Variants in ANKMY2 observed in about 807,000 individuals in gnomAD.
The protein encoded by ANKMY2 is ankyrin repeat and MYND domain containing 2.
A neutral mutation model predicts 50.4 loss-of-function variants in ANKMY2; 36 were observed. The ratio of observed to expected loss-of-function variants is 0.71; its 90% CI spans 0.55 to 0.94. ANKMY2 has a LOEUF of 0.94. Ranked by LOEUF, ANKMY2 falls within the 40% of genes least tolerant of loss-of-function variation. ANKMY2 has a pLI of 0.00. For missense variants in ANKMY2, 565 were observed against 524.0 expected, an observed-to-expected ratio of 1.08 and a Z score of -0.76; for synonymous variants, 187 against 178.8, an observed-to-expected ratio of 1.05 and a Z score of -0.36.
intron 1 of ANKMY2, among the ~76,000 whole-genome samples, chr7:16,642,805 T>C (rs1006995032): frequency 7.2e-5 from 11 of 152,212 alleles, no homozygotes; most frequent in African/African-American, 2.7e-4. Flanking sequence ...CATTTAAAAC[T>C]GAGTTAACTT....
chr7:16,645,443 C>T, intron 1 of ANKMY2, 64 bp downstream of exon 1: 2 of 1,512,450 alleles, frequency 1.3e-6, no homozygotes, highest in Middle Eastern at 2.1e-4. Flanking sequence ...AGGAGCGCCC[C>T]CCGGGCTCCG....
chr7:16,605,674 CTTTTTTTTTTTTTT>C (rs11307797), intron 7 of ANKMY2, among the ~76,000 whole-genome samples: 1,263 of 59,620 alleles, frequency 0.021, 13 homozygotes, highest in South Asian at 0.031. Flanking sequence ...ATTTTTTGTA[CTTTTTTTTTTTTTT>C]TTTTTTTTTT....
chr7:16,643,062 A>T (rs1781766394), intron 1 of ANKMY2, among the ~76,000 whole-genome samples: 1 of 152,222 alleles, frequency 6.6e-6, no homozygotes, highest in Non-Finnish European at 1.5e-5. Context: ...CACAAACACA[A>T]GCAGTATTTC....
intron 7 of ANKMY2, among the ~76,000 whole-genome samples, chr7:16,605,674 CTTTTTTTTTTTTT>C (rs11307797): frequency 3.4e-5 from 2 of 59,608 alleles, no homozygotes; most frequent in African/African-American, 6.9e-5. Context: ...ATTTTTTGTA[CTTTTTTTTTTTTT>C]TTTTTTTTTT....
At chr7:16,607,559 C>T (rs548751620) in intron 7 of ANKMY2, among the ~76,000 whole-genome samples, 1 of 152,026 alleles carries the variant, frequency 6.6e-6, no homozygotes, top group African/African-American at 2.4e-5. Flanking sequence ...CAAAACAAGA[C>T]CCCCCTCAAT....
At chr7:16,624,456 A>G (rs1781482744) in intron 4 of ANKMY2, among the ~76,000 whole-genome samples, 1 of 152,252 alleles carries the variant, frequency 6.6e-6, no homozygotes. Context: ...ATTATTATCA[A>G]GTACTCTTTC....
chr7:16,615,664 T>C, intron 5 of ANKMY2, 80 bp downstream of exon 5: 2 of 1,568,406 alleles, frequency 1.3e-6, no homozygotes, highest in Non-Finnish European at 1.7e-6. Context: ...CCAAGACAAT[T>C]ATGATCCTGT....
At chr7:16,612,799 T>C (rs1781276439) in intron 5 of ANKMY2, among the ~76,000 whole-genome samples, 1 of 152,246 alleles carries the variant, frequency 6.6e-6, no homozygotes, top group Admixed American at 6.5e-5. Flanking sequence ...TGTACTTGTT[T>C]CCTTCCTTAA....
intron 2 of ANKMY2, among the ~76,000 whole-genome samples, chr7:16,636,032 G>T (rs183240662): frequency 2.0e-5 from 3 of 152,026 alleles, no homozygotes; most frequent in African/African-American, 7.2e-5. Flanking sequence ...AAGGCTGAGC[G>T]TGGTGGCTCA....
chr7:16,645,250 T>TCCGTG (rs1781817448), intron 1 of ANKMY2, among the ~76,000 whole-genome samples: 3 of 152,146 alleles, frequency 2.0e-5, no homozygotes. Context: ...GGCGTGGAAA[T>TCCGTG]CCGTACGTTT....
At chr7:16,637,884 C>T (rs1781688957) in intron 1 of ANKMY2, among the ~76,000 whole-genome samples, 1 of 152,194 alleles carries the variant, frequency 6.6e-6, no homozygotes, top group Non-Finnish European at 1.5e-5. Context: ...TGATTGTAAG[C>T]ATGTCAAAAC....
intron 2 of ANKMY2, among the ~76,000 whole-genome samples, chr7:16,629,847 A>G (rs1443277367): frequency 6.6e-6 from 1 of 152,202 alleles, no homozygotes; most frequent in Non-Finnish European, 1.5e-5. Flanking sequence ...TGGTTCTAGT[A>G]CCATGTGATT....
intron 5 of ANKMY2, among the ~76,000 whole-genome samples, chr7:16,614,194 T>A (rs2128342968): frequency 6.6e-6 from 1 of 152,306 alleles, no homozygotes; most frequent in Admixed American, 6.5e-5. Context: ...AGGTCAATGC[T>A]TCTCTTGGGA....
At chr7:16,615,984 A>G in intron 4 of ANKMY2, 80 bp from the exon 5 acceptor site, 1 of 1,366,654 alleles carries the variant, frequency 7.3e-7, no homozygotes, top group Non-Finnish European at 9.9e-7. Flanking sequence ...TTATGTTGCT[A>G]TTTTTGTGAT....
chr7:16,607,527 C>T (rs1781180156), intron 7 of ANKMY2, among the ~76,000 whole-genome samples: 1 of 152,024 alleles, frequency 6.6e-6, no homozygotes, highest in Admixed American at 6.6e-5. Context: ...GAGATTGCGC[C>T]ACTGCACTCC....
intron 4 of ANKMY2, among the ~76,000 whole-genome samples, chr7:16,622,073 G>A (rs1302688834): frequency 6.6e-6 from 1 of 151,490 alleles, no homozygotes; most frequent in Non-Finnish European, 1.5e-5. Context: ...AGAGGAAGAG[G>A]AGGAGGAAGA....
intron 7 of ANKMY2, among the ~76,000 whole-genome samples, chr7:16,609,095 G>A (rs1781204958): frequency 1.3e-5 from 2 of 152,170 alleles, no homozygotes; most frequent in Admixed American, 6.5e-5. Flanking sequence ...CTTATATAGT[G>A]GGTAAGTATA....
At chr7:16,642,370 GT>G (rs1781757985) in intron 1 of ANKMY2, among the ~76,000 whole-genome samples, 1 of 152,150 alleles carries the variant, frequency 6.6e-6, no homozygotes, top group Non-Finnish European at 1.5e-5. Context: ...CTTACATACT[GT>G]TAAATGAATG....
At chr7:16,620,331 T>G (rs751564022) in intron 4 of ANKMY2, among the ~76,000 whole-genome samples, 1 of 152,168 alleles carries the variant, frequency 6.6e-6, no homozygotes, top group Non-Finnish European at 1.5e-5. Context: ...TCATTACAGC[T>G]TGTGCTAAAA....
Sources: gnomAD v4.1 joint callset for allele counts (sites outside exome capture counted in the v4.1 genomes callset) on GRCh38, gnomAD v4.1.1 for gene constraint, MANE v1.5 for transcripts, NCBI Gene and HGNC (gene_info 2026-07-23, HGNC 2026-07-21) for gene names.